Variants in PDE4D observed in about 807,000 individuals in gnomAD.
PDE4D encodes the protein 3',5'-cyclic-AMP phosphodiesterase 4D.
In PDE4D, 24 loss-of-function variants were observed where a neutral mutation model predicts 87.4. The observed-to-expected ratio is 0.27, with a 90% CI of 0.20 to 0.39. PDE4D has a LOEUF of 0.39. Among genes scored for constraint, PDE4D ranks in the 10% least tolerant of loss-of-function variants. The pLI is 1.00. For synonymous variants in PDE4D, 384 were observed against 383.2 expected (o/e 1.00, Z -0.02); for missense variants, 714 against 1,041.0 (o/e 0.69, Z 4.32).
intron 1 of PDE4D, among the ~76,000 whole-genome samples, chr5:59,803,306 C>CTTT (rs71606604): frequency 3.8e-5 from 5 of 130,442 alleles, no homozygotes; most frequent in African/African-American, 2.8e-5. Flanking sequence ...CTAGAAACTC[C>CTTT]TTTTTTTTTT....
rs35105874 is a variant in PDE4D, at chr5:59,695,199, G to GAA, written c.455+197967_455+197968dup. Among the ~76,000 whole-genome samples, 123 of 145,560 alleles carry GAA rather than the reference G, an allele frequency of 8.5e-4. 1 individual carries two copies. Among genetic ancestry groups the GAA allele is most frequent in the East Asian group, 3.8e-3 (19 of 4,976 alleles). ...GCTTCAATAATGCTTCTGCATTTTT[G>GAA]AAAAAAAAAAAATATCGAGTCAAGG... is the stretch of plus-strand genomic sequence containing the variant. On this transcript the variant is annotated intron_variant, in intron 1 of 14. Transcript: ENST00000340635.
chr5:59,669,785 C>G (rs561408396), intron 1 of PDE4D, among the ~76,000 whole-genome samples: 1 of 152,106 alleles, frequency 6.6e-6, no homozygotes, highest in East Asian at 1.9e-4. Context: ...ACACCCCCCC[C>G]AATAGTCCAG....
intron 6 of PDE4D, chr5:58,999,497 A>G (rs1431027088): frequency 6.6e-7 from 1 of 1,526,084 alleles, no homozygotes; most frequent in African/African-American, 1.4e-5. Context: ...ACCTTTATGT[A>G]GCCCCAAGAC....
At chr5:59,459,676 A>T (rs144974491) in intron 1 of PDE4D, among the ~76,000 whole-genome samples, 48 of 152,312 alleles carry the variant, frequency 3.2e-4, no homozygotes, top group East Asian at 2.7e-3. Context: ...TTTGACTCTA[A>T]TTCTAATAAA....
chr5:59,006,460 TGAGGTGG>T (rs1381687259), intron 6 of PDE4D, among the ~76,000 whole-genome samples: 6 of 151,980 alleles, frequency 3.9e-5, no homozygotes, highest in Non-Finnish European at 5.9e-5. Context: ...CAGATACTAC[TGAGGTGG>T]GAGGTGGGAG....
intron 1 of PDE4D, among the ~76,000 whole-genome samples, chr5:59,892,701 C>A (rs1464335184): frequency 1.3e-5 from 2 of 152,110 alleles, no homozygotes; most frequent in Non-Finnish European, 2.9e-5. Context: ...GCAGCCCCAC[C>A]GACCCTCTTC....
chr5:59,519,643 A>T (rs1427275744), intron 1 of PDE4D, among the ~76,000 whole-genome samples: 1 of 152,218 alleles, frequency 6.6e-6, no homozygotes. Context: ...TTTAACAGAC[A>T]TAGCAAGAAT....
intron 1 of PDE4D, among the ~76,000 whole-genome samples, chr5:60,484,101 G>A (rs1379562299): frequency 2.0e-5 from 3 of 150,682 alleles, no homozygotes; most frequent in Non-Finnish European, 4.4e-5. Context: ...TCCCTGAGAT[G>A]AAAAGACTAC....
At chr5:60,091,484 A>C (rs1775102710) in intron 2 of PDE4D, among the ~76,000 whole-genome samples, 1 of 152,178 alleles carries the variant, frequency 6.6e-6, no homozygotes, top group Non-Finnish European at 1.5e-5. Flanking sequence ...ACAAAAAATA[A>C]ACAATGCTTT....
intron 2 of PDE4D, among the ~76,000 whole-genome samples, chr5:60,147,052 G>A (rs981164941): frequency 6.6e-6 from 1 of 152,142 alleles, no homozygotes; most frequent in Non-Finnish European, 1.5e-5. Flanking sequence ...ATTCAAATGA[G>A]CCACCATTTT....
At chr5:59,200,679 G>T (rs1450457334) in intron 2 of PDE4D, among the ~76,000 whole-genome samples, 2 of 86,430 alleles carry the variant, frequency 2.3e-5, no homozygotes, top group African/African-American at 1.0e-4. Flanking sequence ...ATAGATACAC[G>T]TATACATACA....
chr5:60,442,930 A>G (rs1745357129), intron 1 of PDE4D, among the ~76,000 whole-genome samples: 1 of 152,142 alleles, frequency 6.6e-6, no homozygotes, highest in African/African-American at 2.4e-5. Flanking sequence ...AGATCTGAAC[A>G]TAGGAAAGAG....
intron 1 of PDE4D, among the ~76,000 whole-genome samples, chr5:59,264,866 A>G (rs945971382): frequency 1.3e-5 from 2 of 152,044 alleles, no homozygotes; most frequent in African/African-American, 4.8e-5. Context: ...CCACAAGAAC[A>G]GACCTAACCA....
intron 2 of PDE4D, among the ~76,000 whole-genome samples, chr5:59,195,052 T>G (rs1407808998): frequency 1.3e-5 from 2 of 152,132 alleles, no homozygotes; most frequent in Admixed American, 1.3e-4. Context: ...TCACTTGCCC[T>G]TCCATTTTTC....
intron 2 of PDE4D, among the ~76,000 whole-genome samples, chr5:60,177,803 G>A (rs1784052896): frequency 6.6e-6 from 1 of 152,082 alleles, no homozygotes; most frequent in African/African-American, 2.4e-5. Context: ...CACCGGTGAG[G>A]TCATTCACCC....
intron 5 of PDE4D, among the ~76,000 whole-genome samples, chr5:59,086,082 C>T (rs1399582968): frequency 6.6e-6 from 1 of 152,190 alleles, no homozygotes; most frequent in African/African-American, 2.4e-5. Context: ...ACTGCCTCCA[C>T]TTTACACAGG....
intron 1 of PDE4D, among the ~76,000 whole-genome samples, chr5:60,407,020 G>C (rs1208227559): frequency 1.3e-5 from 2 of 152,104 alleles, no homozygotes; most frequent in Admixed American, 1.3e-4. Flanking sequence ...ATAAGGTAGG[G>C]ATGAGGAATG....
intron 1 of PDE4D, among the ~76,000 whole-genome samples, chr5:59,494,845 A>G (rs1806870502): frequency 6.6e-6 from 1 of 152,194 alleles, no homozygotes; most frequent in Non-Finnish European, 1.5e-5. Context: ...CTACAAGCTG[A>G]GCCCAAACCT....
At chr5:60,222,196 G>A (rs768414554) in intron 1 of PDE4D, among the ~76,000 whole-genome samples, 2 of 152,046 alleles carry the variant, frequency 1.3e-5, no homozygotes, top group Admixed American at 6.6e-5. Context: ...CAGCTTCCAG[G>A]AGGACACTCA....
Sources: gnomAD v4.1 joint callset for allele counts (sites outside exome capture counted in the v4.1 genomes callset) on GRCh38, gnomAD v4.1.1 for gene constraint, MANE v1.5 for transcripts, NCBI Gene and HGNC (gene_info 2026-07-23, HGNC 2026-07-21) for gene names.